Variants in DCAF13 observed in about 807,000 individuals in gnomAD.
DCAF13 encodes DDB1 and CUL4 associated factor 13, also known as DDB1- and CUL4-associated factor 13.
Under a neutral mutation model 59.0 loss-of-function variants are expected in DCAF13, and 38 were observed. That is an observed-to-expected ratio of 0.64 (90% CI 0.50 to 0.84). DCAF13 has a LOEUF of 0.84. Ranked by LOEUF, DCAF13 falls within the 40% of genes least tolerant of loss-of-function variation. The pLI, the probability that DCAF13 is intolerant of heterozygous loss-of-function variation, is 0.00. For synonymous variants in DCAF13, 173 were observed against 175.0 expected (o/e 0.99, Z 0.09); for missense variants, 469 against 558.4 (o/e 0.84, Z 1.61).
intron 2 of DCAF13, chr8:103,420,748 T>C: frequency 1.7e-6 from 1 of 582,396 alleles, no homozygotes; most frequent in South Asian, 2.3e-5. Flanking sequence ...AATTTCCTAC[T>C]ATGGCAAGTG....
intron 8 of DCAF13, among the ~76,000 whole-genome samples, chr8:103,439,211 T>G (rs1465039801): frequency 6.6e-6 from 1 of 151,668 alleles, no homozygotes; most frequent in African/African-American, 2.4e-5. Flanking sequence ...TCACCTGGTC[T>G]CGATCTCCTG....
At chr8:103,440,029 T>C (rs1816986563) in intron 8 of DCAF13, 107 bp from the exon 9 acceptor site, 1 of 848,998 alleles carries the variant, frequency 1.2e-6, no homozygotes, top group Non-Finnish European at 1.7e-6. Flanking sequence ...GTTTTTATTT[T>C]ATACTCCTAT....
chr8:103,424,201 T>G (rs1816759178), intron 3 of DCAF13, among the ~76,000 whole-genome samples: 1 of 152,034 alleles, frequency 6.6e-6, no homozygotes, highest in Non-Finnish European at 1.5e-5. Context: ...TTATTTATTT[T>G]TATTTTTAGT....
In DCAF13 at chr8:103,420,102, A is replaced by T. The variant is rs1315570738; in HGVS notation, c.71-162A>T. On this transcript the variant is annotated intron_variant, in intron 1 of 10. Transcript: ENST00000612750. Reference sequence around the variant, plus strand: ...CATCCCATGATTTTCCAGTAATTTCAGAAAGATTTCTGAACAACAGGTCTT... The same window carrying T: ...CATCCCATGATTTTCCAGTAATTTCTGAAAGATTTCTGAACAACAGGTCTT... 2.0e-5 allele frequency among the ~76,000 whole-genome samples: 3 copies of T among 152,062 alleles called. No individual in the cohort carries two copies. The East Asian group carries it at 5.8e-4, about 29-fold the overall frequency.
At chr8:103,430,424 A>G in intron 5 of DCAF13, 188 bp from the exon 6 acceptor site, 1 of 430,576 alleles carries the variant, frequency 2.3e-6, no homozygotes, top group Non-Finnish European at 4.2e-6. Context: ...AAATACAAGC[A>G]TGAGGATTTT....
intron 7 of DCAF13, among the ~76,000 whole-genome samples, chr8:103,434,286 G>A (rs1420911041): frequency 6.6e-6 from 1 of 152,098 alleles, no homozygotes; most frequent in Non-Finnish European, 1.5e-5. Flanking sequence ...TCTGTAAGGT[G>A]AGGGTTAGAA....
Position 103,432,745 on chromosome 8 carries a change from A to G in DCAF13, c.785+4A>G. 1 of 1,571,092 alleles carries G rather than the reference A, an allele frequency of 6.4e-7. No individual in the cohort carries two copies. Among genetic ancestry groups the G allele is most frequent in the South Asian group, 1.1e-5 (1 of 89,978 alleles). On this transcript the variant is annotated splice_donor_region_variant and intron_variant, in intron 7 of 10. Coordinates refer to ENST00000612750, the MANE Select transcript of DCAF13 (RefSeq NM_015420.7). ...CAGCAGCAAATGAAGATTATAAGTA[A>G]GTTTCCCTCTTTTAAAAACTTGTGT...
chr8:103,425,962 G>C (rs183410656), intron 3 of DCAF13, 94 bp from the exon 4 acceptor site: 1 of 841,030 alleles, frequency 1.2e-6, no homozygotes, highest in East Asian at 2.5e-5. Flanking sequence ...TATGTTACCT[G>C]TTTTAAACAA....
chr8:103,428,367 T>G (rs1410606064), intron 5 of DCAF13: 3 of 152,236 alleles, frequency 2.0e-5, no homozygotes, highest in African/African-American at 7.2e-5. Context: ...GACAGCCATG[T>G]TCTCTTGCGT....
intron 3 of DCAF13, among the ~76,000 whole-genome samples, chr8:103,424,685 A>G (rs1816766908): frequency 6.6e-6 from 1 of 152,192 alleles, no homozygotes; most frequent in Admixed American, 6.5e-5. Context: ...GCTTGCAGAC[A>G]CTATCAGAAA....
At chr8:103,434,533 C>T (rs1816908199) in intron 7 of DCAF13, among the ~76,000 whole-genome samples, 1 of 152,010 alleles carries the variant, frequency 6.6e-6, no homozygotes, top group Admixed American at 6.6e-5. Context: ...TAACCTTGAT[C>T]ATTTGGTTAG....
At chr8:103,439,968 C>A in intron 8 of DCAF13, 168 bp from the exon 9 acceptor site, 1 of 446,636 alleles carries the variant, frequency 2.2e-6, no homozygotes. Flanking sequence ...CAGCACTTAA[C>A]ACGGAACCTT....
Position 103,415,386 on chromosome 8 carries a change from G to T in DCAF13, c.-61G>T. On this transcript the variant is annotated 5_prime_UTR_variant, in exon 1 of 11. Coordinates refer to ENST00000612750, the MANE Select transcript of DCAF13 (RefSeq NM_015420.7). ...AAGCGGAAGTCGCCTGTGGGAGGAG[G>T]TGGCGGTGGGCGGAACTCCTAGCGG... 2 of 1,614,200 alleles carry T rather than the reference G, an allele frequency of 1.2e-6. No homozygotes were observed. Among genetic ancestry groups the T allele is most frequent in the Non-Finnish European group, 1.7e-6 (2 of 1,180,032 alleles).
intron 5 of DCAF13, chr8:103,430,197 C>T (rs1816844652): frequency 6.5e-6 from 1 of 152,910 alleles, no homozygotes; most frequent in African/African-American, 2.4e-5. Flanking sequence ...TTGATACCAG[C>T]CTGGGCAACA....
intron 10 of DCAF13, 121 bp downstream of exon 10, chr8:103,441,739 G>A (rs1253269996): frequency 1.4e-5 from 13 of 961,264 alleles, no homozygotes; most frequent in Non-Finnish European, 1.9e-5. Flanking sequence ...TAGTATGTTA[G>A]TGATGTGTTT....
At chr8:103,418,210 G>A (rs954673443) in intron 1 of DCAF13, among the ~76,000 whole-genome samples, 1 of 151,974 alleles carries the variant, frequency 6.6e-6, no homozygotes, top group African/African-American at 2.4e-5. Flanking sequence ...AGTAGCCCAA[G>A]TATAAGATAA....
chr8:103,439,234 A>C (rs1816972529), intron 8 of DCAF13, among the ~76,000 whole-genome samples: 1 of 151,912 alleles, frequency 6.6e-6, no homozygotes, highest in African/African-American at 2.4e-5. Flanking sequence ...CTCGTGATCC[A>C]CCTACTGCAG....
chr8:103,428,019 G>A (rs565580613), intron 5 of DCAF13: 193 of 152,306 alleles, frequency 1.3e-3, no homozygotes, highest in African/African-American at 4.5e-3. Flanking sequence ...AGCAGTTATT[G>A]CGAGGCTACC....
rs1816788247 is a variant in DCAF13 at position 103,426,067 on chromosome 8, C to T, written c.390C>T (p.Asp130=). 1 of 1,611,856 alleles carries T rather than the reference C, an allele frequency of 6.2e-7. No individual in the cohort carries two copies. The highest frequency in any genetic ancestry group is 8.5e-7 in the Non-Finnish European group (1 of 1,178,494). ...ACAAATATTTCTAGGTTGGTGATGA[C>T]AAAACTGTGAAGCAGTGGAAAATGG... The part of the protein sequence containing the change: ...CGTSFFTVGD[D]KTVKQWKMDG... Residue 130 remains aspartate (D), a synonymous_variant, in exon 4 of 11, where the codon GAC becomes GAT. Transcript: ENST00000612750.
Sources: gnomAD v4.1 joint callset for allele counts (sites outside exome capture counted in the v4.1 genomes callset) on GRCh38, gnomAD v4.1.1 for gene constraint, MANE v1.5 for transcripts, NCBI Gene and HGNC (gene_info 2026-07-23, HGNC 2026-07-21) for gene names.